Variants in MTUS2 observed in about 807,000 individuals in gnomAD.
MTUS2 encodes microtubule associated scaffold protein 2.
Under a neutral mutation model 114.1 loss-of-function variants are expected in MTUS2, and 40 were observed. The observed-to-expected ratio is 0.35, with a 90% CI of 0.27 to 0.46. The LOEUF is 0.46. MTUS2 is among the 20% of genes least tolerant of loss of function. The pLI, the probability that MTUS2 is intolerant of heterozygous loss-of-function variation, is 1.00. For missense variants in MTUS2, 1,679 were observed against 1,705.4 expected, an observed-to-expected ratio of 0.98 and a Z score of 0.27; for synonymous variants, 688 against 672.0, an observed-to-expected ratio of 1.02 and a Z score of -0.37.
intron 4 of MTUS2, among the ~76,000 whole-genome samples, chr13:29,064,229 G>A (rs1437154886): frequency 6.6e-6 from 1 of 152,146 alleles, no homozygotes; most frequent in Non-Finnish European, 1.5e-5. Flanking sequence ...CCATGCGGAA[G>A]GAACATGGCA....
At chr13:28,935,797 C>G (rs1011091573) in intron 2 of MTUS2, among the ~76,000 whole-genome samples, 1 of 151,932 alleles carries the variant, frequency 6.6e-6, no homozygotes, top group East Asian at 1.9e-4. Flanking sequence ...CTGGGTTGCC[C>G]GAGTGCAGTG....
chr13:28,892,663 T>TGACACTTCTCTTTCTCTCCTTCTC (rs1879002553), intron 2 of MTUS2, among the ~76,000 whole-genome samples: 1 of 152,206 alleles, frequency 6.6e-6, no homozygotes, highest in Non-Finnish European at 1.5e-5. Context: ...TTTTCCTTCT[T>TGACACTTCTCTTTCTCTCCTTCTC]GACACTTCTC....
At chr13:29,255,442 T>C (rs1220045347) in intron 5 of MTUS2, among the ~76,000 whole-genome samples, 2 of 152,218 alleles carry the variant, frequency 1.3e-5, no homozygotes, top group African/African-American at 2.4e-5. Flanking sequence ...CCATATTAAA[T>C]ATTGGTTCTA....
intron 5 of MTUS2, among the ~76,000 whole-genome samples, chr13:29,194,232 A>C (rs1020512625): frequency 5.3e-5 from 8 of 152,168 alleles, no homozygotes; most frequent in African/African-American, 1.2e-4. Flanking sequence ...ACAAAAGACA[A>C]AATTGACAAA....
chr13:29,429,348 G>C (rs1876819989), intron 8 of MTUS2, among the ~76,000 whole-genome samples: 1 of 152,202 alleles, frequency 6.6e-6, no homozygotes. Flanking sequence ...ACTCATTCTT[G>C]TAATTTACAT....
intron 8 of MTUS2, among the ~76,000 whole-genome samples, chr13:29,437,763 A>G (rs569598157): frequency 1.3e-5 from 2 of 152,284 alleles, no homozygotes; most frequent in African/African-American, 4.8e-5. Flanking sequence ...CCTGAGCAAC[A>G]TGGTGAAACC....
chr13:29,500,985 T>C, intron 14 of MTUS2, 112 bp from the exon 15 acceptor site: 2 of 758,200 alleles, frequency 2.6e-6, no homozygotes, highest in East Asian at 2.5e-5. Flanking sequence ...TGCGAACTGA[T>C]GTTTGCAAAA....
At chr13:29,432,116 A>G (rs994550940) in intron 8 of MTUS2, among the ~76,000 whole-genome samples, 1 of 151,578 alleles carries the variant, frequency 6.6e-6, no homozygotes, top group African/African-American at 2.4e-5. Context: ...GCCACCCAAA[A>G]TGTTGGGATA....
chr13:29,060,017 T>A (rs1286878471), intron 4 of MTUS2, among the ~76,000 whole-genome samples: 2 of 152,118 alleles, frequency 1.3e-5, no homozygotes, highest in Admixed American at 1.3e-4. Flanking sequence ...GGGTCACCTG[T>A]CCTGCCATTT....
chr13:29,451,068 G>C (rs1317559267), intron 9 of MTUS2, among the ~76,000 whole-genome samples: 1 of 152,146 alleles, frequency 6.6e-6, no homozygotes, highest in Admixed American at 6.5e-5. Context: ...TAGAAGACCT[G>C]AACAACGCTA....
chr13:29,007,390 A>G (rs557986364), intron 2 of MTUS2, among the ~76,000 whole-genome samples: 1 of 152,314 alleles, frequency 6.6e-6, no homozygotes, highest in South Asian at 2.1e-4. Context: ...CCACCATTCT[A>G]AGAAGATGCT....
At chr13:28,886,767 A>G (rs373310612) in intron 2 of MTUS2, among the ~76,000 whole-genome samples, 14 of 152,208 alleles carry the variant, frequency 9.2e-5, no homozygotes, top group East Asian at 5.8e-4. Flanking sequence ...CAGACTTACA[A>G]AGTACACGAC....
chr13:28,851,483 C>T (rs1876263052), intron 2 of MTUS2, among the ~76,000 whole-genome samples: 1 of 152,180 alleles, frequency 6.6e-6, no homozygotes, highest in Non-Finnish European at 1.5e-5. Flanking sequence ...TACTGAGTGA[C>T]TACAACATAG....
At chr13:28,838,781 G>A (rs947940155) in intron 1 of MTUS2, among the ~76,000 whole-genome samples, 2 of 151,440 alleles carry the variant, frequency 1.3e-5, no homozygotes, top group Non-Finnish European at 2.9e-5. Flanking sequence ...AGTAATTGGG[G>A]ACTGGGTGGG....
intron 1 of MTUS2, among the ~76,000 whole-genome samples, chr13:28,836,250 C>T (rs1875079079): frequency 6.6e-6 from 1 of 152,130 alleles, no homozygotes; most frequent in African/African-American, 2.4e-5. Context: ...ATACTTACAG[C>T]ACGTCTCAGT....
intron 5 of MTUS2, among the ~76,000 whole-genome samples, chr13:29,272,242 AAT>A (rs1897907632): frequency 6.6e-6 from 1 of 152,200 alleles, no homozygotes; most frequent in South Asian, 2.1e-4. Flanking sequence ...AAGTCAATGA[AAT>A]ATGCATCAGT....
chr13:29,321,773 G>T (rs1322323751), intron 6 of MTUS2, among the ~76,000 whole-genome samples: 5 of 152,280 alleles, frequency 3.3e-5, no homozygotes, highest in Admixed American at 3.3e-4. Context: ...AAATCCTACT[G>T]ATTAGAAGTA....
chr13:29,398,505 G>C (rs1053659992), intron 8 of MTUS2, among the ~76,000 whole-genome samples: 1 of 147,130 alleles, frequency 6.8e-6, no homozygotes, highest in African/African-American at 2.5e-5. Flanking sequence ...AAAAAAAAGA[G>C]CGAAAAATTA....
chr13:29,196,137 C>T (rs1751059029), intron 5 of MTUS2, among the ~76,000 whole-genome samples: 1 of 151,178 alleles, frequency 6.6e-6, no homozygotes, highest in Non-Finnish European at 1.5e-5. Flanking sequence ...CGCTCTGTCG[C>T]CGAGGTGGGA....
Sources: gnomAD v4.1 joint callset for allele counts (sites outside exome capture counted in the v4.1 genomes callset) on GRCh38, gnomAD v4.1.1 for gene constraint, MANE v1.5 for transcripts, NCBI Gene and HGNC (gene_info 2026-07-23, HGNC 2026-07-21) for gene names.